Variants in CSMD1 observed in about 807,000 individuals in gnomAD.
CSMD1 encodes CUB and Sushi multiple domains 1, also known as CUB and sushi domain-containing protein 1.
CSMD1 carries 213 observed loss-of-function variants against 417.5 expected under a neutral mutation model. That is an observed-to-expected ratio of 0.51 (90% CI 0.46 to 0.57). CSMD1 has a LOEUF of 0.57. CSMD1 is among the 20% of genes least tolerant of loss of function. The pLI is 0.00. For synonymous variants in CSMD1, 2,862 were observed against 1,736.8 expected, an observed-to-expected ratio of 1.65 and a Z score of -16.11; for missense variants, 6,923 against 4,529.7, an observed-to-expected ratio of 1.53 and a Z score of -15.17.
At chr8:4,783,451 G>T (rs11775382) in intron 1 of CSMD1, among the ~76,000 whole-genome samples, 9,411 of 152,174 alleles carry the variant, frequency 0.062, 372 homozygotes, top group Middle Eastern at 0.085. Context: ...GTAATCTGCT[G>T]CCCTGGTCAG....
intron 5 of CSMD1, among the ~76,000 whole-genome samples, chr8:3,900,648 C>G (rs947925470): frequency 2.6e-5 from 4 of 151,854 alleles, no homozygotes; most frequent in African/African-American, 7.3e-5. Flanking sequence ...CTAGATGACA[C>G]TGTAGCTGAG....
At chr8:3,917,712 A>G (rs901862170) in intron 5 of CSMD1, among the ~76,000 whole-genome samples, 1 of 152,134 alleles carries the variant, frequency 6.6e-6, no homozygotes, top group Non-Finnish European at 1.5e-5. Context: ...GGAGATACGT[A>G]TATATCCAAG....
In CSMD1 at chr8:3,639,054, T is replaced by C. The variant is rs976854992; in HGVS notation, c.1010-22257A>G. Among the ~76,000 whole-genome samples, 4 of 152,240 alleles carry C rather than the reference T, an allele frequency of 2.6e-5. No individual in the cohort carries two copies. In the East Asian group the frequency reaches 7.7e-4, roughly 29 times the overall value. On this transcript the variant is annotated intron_variant, in intron 7 of 69. Coordinates refer to ENST00000635120, the MANE Select transcript of CSMD1 (RefSeq NM_033225.6). ...CAATATCCTTCTTTCATTTTCCACT[T>C]AGCATTACGTTCAGCCTACTCTCAA...
intron 3 of CSMD1, among the ~76,000 whole-genome samples, chr8:4,267,958 G>A (rs534904400): frequency 6.6e-6 from 1 of 151,904 alleles, no homozygotes; most frequent in African/African-American, 2.4e-5. Flanking sequence ...CTACATTTTT[G>A]GATCTATTTT....
intron 1 of CSMD1, among the ~76,000 whole-genome samples, chr8:4,786,132 A>G (rs1797389949): frequency 6.6e-6 from 1 of 152,188 alleles, no homozygotes; most frequent in South Asian, 2.1e-4. Flanking sequence ...GTTTGCTTCT[A>G]AAAATGGATT....
At chr8:3,123,758 A>G (rs554787002) in intron 41 of CSMD1, among the ~76,000 whole-genome samples, 2 of 152,200 alleles carry the variant, frequency 1.3e-5, no homozygotes, top group Admixed American at 6.5e-5. Context: ...CCAGAATACA[A>G]TATTAACAAG....
chr8:4,331,999 A>G (rs775963653), intron 3 of CSMD1, among the ~76,000 whole-genome samples: 6 of 152,136 alleles, frequency 3.9e-5, no homozygotes, highest in Non-Finnish European at 8.8e-5. Flanking sequence ...GAAAATGCTG[A>G]GTAATTTACT....
intron 2 of CSMD1, among the ~76,000 whole-genome samples, chr8:4,433,835 A>C (rs1301213293): frequency 6.7e-6 from 1 of 148,458 alleles, no homozygotes; most frequent in African/African-American, 2.4e-5. Flanking sequence ...TCTGGAAAAA[A>C]AGGGAAAAAA....
intron 3 of CSMD1, among the ~76,000 whole-genome samples, chr8:4,037,994 T>C (rs1797704547): frequency 1.3e-5 from 2 of 152,304 alleles, no homozygotes; most frequent in Non-Finnish European, 2.9e-5. Context: ...TAATGTATAA[T>C]TTTAGTCACT....
In CSMD1 at chr8:4,070,600, A is replaced by T. The variant is rs528867346; in HGVS notation, c.416-38501T>A. On this transcript the variant is annotated intron_variant, in intron 3 of 69. Transcript: ENST00000635120. The stretch of plus-strand genomic sequence containing the variant: ...TCTCGTTCTCCTGACCTCGTGATCC[A>T]CCCACCTCGGCCTCCCAAAGTGCTG... Among the ~76,000 whole-genome samples, 6 of 151,984 alleles carry T rather than the reference A, an allele frequency of 3.9e-5. No individual in the cohort carries two copies. In the South Asian group the frequency reaches 1.0e-3, roughly 26 times the overall value.
At chr8:4,919,124 T>A (rs1806265477) in intron 1 of CSMD1, among the ~76,000 whole-genome samples, 1 of 152,220 alleles carries the variant, frequency 6.6e-6, no homozygotes, top group African/African-American at 2.4e-5. Context: ...CTTACTTCTA[T>A]AAAGTTAGAA....
intron 52 of CSMD1, among the ~76,000 whole-genome samples, chr8:3,006,291 G>A (rs1807894962): frequency 6.6e-6 from 1 of 151,430 alleles, no homozygotes; most frequent in African/African-American, 2.4e-5. Flanking sequence ...ACAAACGGAA[G>A]AACATTCCAT....
At chr8:4,947,950 ATTG>A (rs1427440313) in intron 1 of CSMD1, among the ~76,000 whole-genome samples, 1 of 151,660 alleles carries the variant, frequency 6.6e-6, no homozygotes, top group African/African-American at 2.4e-5. Flanking sequence ...GTTTATTCCT[ATTG>A]TTTTCTTTTT....
chr8:4,045,253 G>T (rs1027707453), intron 3 of CSMD1, among the ~76,000 whole-genome samples: 1 of 152,200 alleles, frequency 6.6e-6, no homozygotes, highest in Non-Finnish European at 1.5e-5. Context: ...GAGCAGAAGT[G>T]AGACAAAGCC....
chr8:4,398,388 CTT>C (rs767579097), intron 3 of CSMD1, among the ~76,000 whole-genome samples: 5 of 114,500 alleles, frequency 4.4e-5, no homozygotes, highest in Admixed American at 1.0e-4. Context: ...GCTGCAACTT[CTT>C]TTTTTTTTTT....
chr8:3,345,013 G>A (rs893965299), intron 22 of CSMD1, among the ~76,000 whole-genome samples: 4 of 152,158 alleles, frequency 2.6e-5, no homozygotes, highest in African/African-American at 9.6e-5. Context: ...AATTCCAGAG[G>A]AATCTGGGTC....
chr8:4,497,395 CAAT>C (rs1802032550), intron 2 of CSMD1, among the ~76,000 whole-genome samples: 1 of 152,184 alleles, frequency 6.6e-6, no homozygotes, highest in Non-Finnish European at 1.5e-5. Flanking sequence ...TAAATGCTGT[CAAT>C]GATTGTATTT....
chr8:4,740,161 G>A (rs890914789), intron 1 of CSMD1, among the ~76,000 whole-genome samples: 2 of 152,086 alleles, frequency 1.3e-5, no homozygotes, highest in Admixed American at 1.3e-4. Flanking sequence ...TGTGCAATGA[G>A]AGCCTGAGCA....
intron 26 of CSMD1, among the ~76,000 whole-genome samples, chr8:3,251,433 T>C (rs962387760): frequency 5.3e-5 from 8 of 152,236 alleles, no homozygotes; most frequent in African/African-American, 1.7e-4. Context: ...ATCTCTGTTT[T>C]GGTACCAGTA....
Sources: gnomAD v4.1 joint callset for allele counts (sites outside exome capture counted in the v4.1 genomes callset) on GRCh38, gnomAD v4.1.1 for gene constraint, MANE v1.5 for transcripts, NCBI Gene and HGNC (gene_info 2026-07-23, HGNC 2026-07-21) for gene names.